CPEB3: variants seen among roughly 807,000 people sequenced by gnomAD.
CPEB3 encodes the protein cytoplasmic polyadenylation element binding protein 3.
CPEB3 carries 20 observed loss-of-function variants against 67.2 expected under a neutral mutation model. The observed-to-expected ratio is 0.30, with a 90% confidence interval of 0.21 to 0.43. The LOEUF is 0.43. Among genes scored for constraint, CPEB3 ranks in the 20% least tolerant of loss-of-function variants. The pLI is 1.00. For missense variants in CPEB3, 746 were observed against 968.6 expected (o/e 0.77, Z 3.05); for synonymous variants, 376 against 393.1 (o/e 0.96, Z 0.51).
At chr10:92,284,944 CCTGAG>C (rs1564933063) in intron 1 of CPEB3, among the ~76,000 whole-genome samples, 1 of 152,166 alleles carries the variant, frequency 6.6e-6, no homozygotes, top group Non-Finnish European at 1.5e-5. Context: ...TAACAGAACA[CCTGAG>C]AATAGGTAAT....
chr10:92,209,724 A>G (rs1273857046), intron 2 of CPEB3, among the ~76,000 whole-genome samples: 1 of 151,084 alleles, frequency 6.6e-6, no homozygotes, highest in Admixed American at 6.6e-5. Flanking sequence ...AGATCACAAT[A>G]TGAGGAGTTC....
chr10:92,130,049 C>CA (rs2133703717), intron 6 of CPEB3, among the ~76,000 whole-genome samples: 1 of 151,828 alleles, frequency 6.6e-6, no homozygotes, highest in East Asian at 1.9e-4. Flanking sequence ...AACAAACAAA[C>CA]AAAAAACAAA....
At chr10:92,159,572 T>C (rs563752543) in intron 4 of CPEB3, among the ~76,000 whole-genome samples, 7 of 151,748 alleles carry the variant, frequency 4.6e-5, no homozygotes. Context: ...CTCAGGAAAC[T>C]GAGGCAGGAG....
Position 92,197,963 on chromosome 10 carries a change from C to T in CPEB3, c.1006-5327G>A, listed in dbSNP as rs1192838467. On this transcript the variant is annotated intron_variant, in intron 2 of 9. Transcript: ENST00000265997. ...CTCTACTAAAACTACAAAAATTAGCCGGTGTGGTGGCACATGCCTGTAGCC... is the reference window on the plus strand; with the variant it reads ...CTCTACTAAAACTACAAAAATTAGCTGGTGTGGTGGCACATGCCTGTAGCC... 3.9e-5 allele frequency among the ~76,000 whole-genome samples: 6 copies of T among 151,932 alleles called. 1 individual carries two copies. Among genetic ancestry groups the T allele is most frequent in the African/African-American group, 7.2e-5 (3 of 41,382 alleles).
At chr10:92,140,439 G>C (rs1379866224) in intron 6 of CPEB3, among the ~76,000 whole-genome samples, 1 of 152,134 alleles carries the variant, frequency 6.6e-6, no homozygotes, top group African/African-American at 2.4e-5. Flanking sequence ...GTAGAAAGCT[G>C]AAACTGGATC....
intron 7 of CPEB3, among the ~76,000 whole-genome samples, chr10:92,097,497 A>G (rs1015815626): frequency 2.6e-5 from 4 of 152,218 alleles, no homozygotes; most frequent in African/African-American, 7.2e-5. Context: ...GCTGAATTAC[A>G]TATCTTCTAA....
intron 4 of CPEB3, among the ~76,000 whole-genome samples, chr10:92,178,247 C>T (rs1397812194): frequency 6.6e-6 from 1 of 151,640 alleles, no homozygotes; most frequent in Non-Finnish European, 1.5e-5. Context: ...CAACCTCTGC[C>T]TCCTGGGTTC....
At chr10:92,177,495 C>G (rs1848274357) in intron 4 of CPEB3, among the ~76,000 whole-genome samples, 3 of 152,112 alleles carry the variant, frequency 2.0e-5, no homozygotes, top group Admixed American at 2.0e-4. Flanking sequence ...GCTGGCCTGC[C>G]AATTCTTACT....
intron 2 of CPEB3, among the ~76,000 whole-genome samples, chr10:92,231,641 G>C (rs1851271982): frequency 6.6e-6 from 1 of 152,132 alleles, no homozygotes; most frequent in South Asian, 2.1e-4. Context: ...AAGTTTCATA[G>C]GTTGTCCACT....
At chr10:92,280,180 T>A (rs1003495760) in intron 1 of CPEB3, among the ~76,000 whole-genome samples, 3 of 151,082 alleles carry the variant, frequency 2.0e-5, no homozygotes, top group Non-Finnish European at 3.0e-5. Context: ...CGGTCTCTAT[T>A]AGAAATACAA....
chr10:92,281,903 A>T (rs1331534918), intron 1 of CPEB3, among the ~76,000 whole-genome samples: 1 of 152,172 alleles, frequency 6.6e-6, no homozygotes, highest in East Asian at 1.9e-4. Context: ...ACGCAGTGAA[A>T]AATGCAAATA....
In CPEB3 at chr10:92,111,191, T is replaced by C; in HGVS notation, c.1457A>G (p.Tyr486Cys). The change falls in exon 7 of 10, where the codon TAT becomes TGT. Residue 486 changes from tyrosine to cysteine, a missense_variant. Coordinates refer to ENST00000265997, the MANE Select transcript of CPEB3 (RefSeq NM_014912.5). ...TTCCTCTTGGAACAGCAGAAAGGCA[T>C]AGCCTTGGGGAGAGCAAAAACAAAA... The part of the protein sequence containing the change: ...ESKSYFPPKG[Y>C]AFLLFQEESS... 1 of 1,606,260 alleles carries C rather than the reference T, an allele frequency of 6.2e-7. No individual in the cohort carries two copies.
Position 92,157,350 on chromosome 10 carries a change from G to A in CPEB3, c.1223-12265C>T, listed in dbSNP as rs143452231. Among the ~76,000 whole-genome samples, 267 of 152,192 alleles carry A rather than the reference G, an allele frequency of 1.8e-3. 1 individual carries two copies. In the Middle Eastern group the frequency reaches 0.044, roughly 25 times the overall value. On this transcript the variant is annotated intron_variant, in intron 4 of 9. Transcript: ENST00000265997. ...ACCCTAAGTCCCATATGCTTTCTAC[G>A]ACATCCGGCTTCTCCTAGCTACTTC...
chr10:92,145,077 G>C lies in CPEB3; in HGVS notation c.1231C>G (p.Leu411Val), dbSNP rs1415790402. Residue 411 changes from leucine to valine, a missense_variant, in exon 5 of 10, where the codon CTG becomes GTG. By Grantham distance (32) the Leu-to-Val change is conservative (BLOSUM62 1). Transcript: ENST00000265997. Reference sequence around the variant, plus strand: ...GCTTGATCACCATGGCTATCATCCAGGAAGGCATCTTCAAAGGGAAAGAGA... The same window carrying C: ...GCTTGATCACCATGGCTATCATCCACGAAGGCATCTTCAAAGGGAAAGAGA... ...DNIMALNNAF[L>V]DDSHGDQALS... is the part of the protein sequence containing the mutation. 1.4e-5 allele frequency: 23 copies of C among 1,613,932 alleles called. No homozygotes were observed. Among genetic ancestry groups the C allele is most frequent in the Non-Finnish European group, 1.9e-5 (22 of 1,179,972 alleles).
intron 1 of CPEB3, among the ~76,000 whole-genome samples, chr10:92,288,351 T>C (rs1019986751): frequency 2.0e-5 from 3 of 151,858 alleles, no homozygotes; most frequent in East Asian, 1.9e-4. Flanking sequence ...TCCTAGCTAC[T>C]TGGGGGGCTG....
At chr10:92,130,230 A>G (rs1845783021) in intron 6 of CPEB3, among the ~76,000 whole-genome samples, 1 of 150,702 alleles carries the variant, frequency 6.6e-6, no homozygotes, top group South Asian at 2.1e-4. Flanking sequence ...CTCTCTCCAT[A>G]CTCCCAATCT....
chr10:92,063,858 A>G (rs1239735538), intron 9 of CPEB3, among the ~76,000 whole-genome samples: 1 of 152,192 alleles, frequency 6.6e-6, no homozygotes, highest in Non-Finnish European at 1.5e-5. Context: ...AGGATTTCAG[A>G]TAACAGAATC....
intron 4 of CPEB3, among the ~76,000 whole-genome samples, chr10:92,154,886 A>C (rs541618738): frequency 6.6e-6 from 1 of 152,216 alleles, no homozygotes; most frequent in Non-Finnish European, 1.5e-5. Flanking sequence ...AAACTTTCAC[A>C]TATATTACAT....
chr10:92,221,890 A>G (rs1437224968), intron 2 of CPEB3, among the ~76,000 whole-genome samples: 3 of 152,224 alleles, frequency 2.0e-5, no homozygotes, highest in Non-Finnish European at 4.4e-5. Context: ...GTGAGGACAC[A>G]GAAAGAGGCA....
Sources: allele counts gnomAD v4.1 joint callset (sites outside exome capture counted in the v4.1 genomes callset), GRCh38; gene constraint gnomAD v4.1.1; transcripts MANE v1.5; gene names NCBI Gene and HGNC (gene_info 2026-07-23, HGNC 2026-07-21).